ZNF385D: variants seen among roughly 807,000 people sequenced by gnomAD.
The protein encoded by ZNF385D is zinc finger protein 659.
Under a neutral mutation model 35.8 loss-of-function variants are expected in ZNF385D, and 15 were observed. The observed-to-expected ratio is 0.42, with a 90% CI of 0.28 to 0.64. The LOEUF is 0.64. Ranked by LOEUF, ZNF385D falls within the 30% of genes least tolerant of loss-of-function variation. The pLI is 0.23. For synonymous variants in ZNF385D, 212 were observed against 186.8 expected (o/e 1.13, Z -1.10); for missense variants, 474 against 494.6 (o/e 0.96, Z 0.39).
chr3:21,572,823 GC>G (rs1319123088), intron 2 of ZNF385D, among the ~76,000 whole-genome samples: 5 of 152,052 alleles, frequency 3.3e-5, no homozygotes, highest in Non-Finnish European at 7.4e-5. Flanking sequence ...ACTACATAAA[GC>G]TTTATATTAG....
chr3:22,214,608 G>A (rs1461250787), intron 2 of ZNF385D, among the ~76,000 whole-genome samples: 1 of 151,942 alleles, frequency 6.6e-6, no homozygotes, highest in Non-Finnish European at 1.5e-5. Context: ...CTCTAAAATG[G>A]CCGCTTCAGG....
intron 2 of ZNF385D, among the ~76,000 whole-genome samples, chr3:22,290,063 C>G (rs891457116): frequency 6.6e-6 from 1 of 152,162 alleles, no homozygotes; most frequent in Non-Finnish European, 1.5e-5. Flanking sequence ...CTATATAGAA[C>G]TGCTACATTG....
intron 2 of ZNF385D, among the ~76,000 whole-genome samples, chr3:21,647,046 G>T (rs183946983): frequency 2.6e-5 from 4 of 152,276 alleles, no homozygotes; most frequent in Admixed American, 2.6e-4. Context: ...AAGGAAAACA[G>T]CAAATATGGA....
chr3:22,049,336 T>TAAAATAAAATAAAATAAAATAAAA (rs1699204723), intron 3 of ZNF385D, among the ~76,000 whole-genome samples: 1 of 89,922 alleles, frequency 1.1e-5, no homozygotes, highest in African/African-American at 3.6e-5. Flanking sequence ...ATAAAATAAA[T>TAAAATAAAATAAAATAAAATAAAA]AAAAAATGCG....
intron 1 of ZNF385D, among the ~76,000 whole-genome samples, chr3:21,740,268 C>T (rs780866079): frequency 1.3e-5 from 2 of 152,130 alleles, no homozygotes; most frequent in Non-Finnish European, 2.9e-5. Flanking sequence ...ATCTAACTGG[C>T]CTCTACAGCA....
intron 3 of ZNF385D, among the ~76,000 whole-genome samples, chr3:21,874,006 C>G (rs936146674): frequency 2.0e-5 from 3 of 150,208 alleles, no homozygotes; most frequent in African/African-American, 7.3e-5. Context: ...TATAAATACC[C>G]AGAATTAGAA....
At chr3:21,894,754 G>C (rs1699044982) in intron 3 of ZNF385D, among the ~76,000 whole-genome samples, 1 of 152,082 alleles carries the variant, frequency 6.6e-6, no homozygotes, top group Non-Finnish European at 1.5e-5. Context: ...TTTCAATATT[G>C]CTGAGTTTAA....
intron 2 of ZNF385D, among the ~76,000 whole-genome samples, chr3:21,608,023 G>GTTTTTTTTTGGTTTTTTTT (rs1553622610): frequency 0.13 from 14,963 of 118,016 alleles, 1,802 homozygotes; most frequent in South Asian, 0.29. Context: ...TTTTTTTTTT[G>GTTTTTTTTTGGTTTTTTTT]TTTTTTTTTT....
chr3:22,217,831 C>G (rs1329289507), intron 2 of ZNF385D, among the ~76,000 whole-genome samples: 1 of 152,014 alleles, frequency 6.6e-6, no homozygotes, highest in Non-Finnish European at 1.5e-5. Context: ...TTTACCTGTA[C>G]AATATTTCCT....
chr3:21,549,804 T>C (rs1209323186), intron 3 of ZNF385D, among the ~76,000 whole-genome samples: 2 of 152,208 alleles, frequency 1.3e-5, no homozygotes, highest in Non-Finnish European at 2.9e-5. Context: ...CACTCTCTTA[T>C]GAAAGAGATG....
intron 3 of ZNF385D, among the ~76,000 whole-genome samples, chr3:21,547,115 G>A (rs917405823): frequency 2.0e-4 from 30 of 151,918 alleles, no homozygotes; most frequent in African/African-American, 2.7e-4. Context: ...CTTTCTCCTC[G>A]GATCCTCTCT....
At chr3:21,932,412 AT>A (rs71697450) in intron 3 of ZNF385D, among the ~76,000 whole-genome samples, 9,223 of 149,862 alleles carry the variant, frequency 0.062, 442 homozygotes, top group African/African-American at 0.12. Context: ...ATGGGGATAG[AT>A]TTTTTTTTTA....
At chr3:21,824,523 GCCT>G (rs1694477693) in intron 3 of ZNF385D, among the ~76,000 whole-genome samples, 1 of 151,932 alleles carries the variant, frequency 6.6e-6, no homozygotes, top group Non-Finnish European at 1.5e-5. Flanking sequence ...GTACATATAT[GCCT>G]CATCTTTTCT....
At chr3:22,274,601 G>A (rs1405020090) in intron 2 of ZNF385D, among the ~76,000 whole-genome samples, 1 of 151,652 alleles carries the variant, frequency 6.6e-6, no homozygotes, top group Admixed American at 6.6e-5. Context: ...AAATTCTTTT[G>A]GCTGTTTAAC....
chr3:22,234,787 T>C (rs1282453287), intron 2 of ZNF385D, among the ~76,000 whole-genome samples: 1 of 152,040 alleles, frequency 6.6e-6, no homozygotes, highest in Non-Finnish European at 1.5e-5. Flanking sequence ...TGAAATATAT[T>C]TCTATAATGG....
rs575998273 is a variant in ZNF385D, at chr3:22,312,086, A to G, written c.106+60364T>C. Among the ~76,000 whole-genome samples, 52 of 152,156 alleles carry G rather than the reference A, an allele frequency of 3.4e-4. No homozygotes were observed. In the South Asian group the frequency reaches 5.2e-3, roughly 15 times the overall value. On this transcript the variant is annotated intron_variant, in intron 2 of 5. Transcript: ENST00000494108. Reference sequence around the variant, plus strand: ...CACACTACCTACTCACTTTCTAATAACTCAATCGGGCAAAATTGCCTAAGT... The same window carrying G: ...CACACTACCTACTCACTTTCTAATAGCTCAATCGGGCAAAATTGCCTAAGT...
intron 3 of ZNF385D, among the ~76,000 whole-genome samples, chr3:21,953,618 T>A (rs1702160069): frequency 6.6e-6 from 1 of 152,064 alleles, no homozygotes; most frequent in Admixed American, 6.6e-5. Context: ...TCATATTTTT[T>A]ACCTCAACTA....
At chr3:22,179,062 A>G (rs1243188119) in intron 2 of ZNF385D, among the ~76,000 whole-genome samples, 1 of 152,062 alleles carries the variant, frequency 6.6e-6, no homozygotes, top group Non-Finnish European at 1.5e-5. Context: ...TGACTTGGCG[A>G]TGTGGGCTCT....
intron 3 of ZNF385D, among the ~76,000 whole-genome samples, chr3:22,095,561 G>A (rs1051030710): frequency 6.6e-6 from 1 of 152,040 alleles, no homozygotes; most frequent in Non-Finnish European, 1.5e-5. Flanking sequence ...TGAAATTCCT[G>A]TATAAAAATG....
Sources: allele counts gnomAD v4.1 joint callset (sites outside exome capture counted in the v4.1 genomes callset), GRCh38; gene constraint gnomAD v4.1.1; transcripts MANE v1.5; gene names NCBI Gene and HGNC (gene_info 2026-07-23, HGNC 2026-07-21).